The following WDR43 variants were observed in gnomAD, a reference collection of about 807,000 sequenced individuals.
WDR43 encodes the protein WD repeat domain 43, also known as WD repeat-containing protein 43.
WDR43 carries 13 observed loss-of-function variants against 91.4 expected under a neutral mutation model. That is an observed-to-expected ratio of 0.14 (90% confidence interval 0.09 to 0.23). The LOEUF is 0.23. WDR43 is among the 10% of genes least tolerant of loss of function. The pLI, the probability that WDR43 is intolerant of heterozygous loss-of-function variation, is 1.00. For missense variants in WDR43, 780 were observed against 809.4 expected, an observed-to-expected ratio of 0.96 and a Z score of 0.44; for synonymous variants, 331 against 287.9, an observed-to-expected ratio of 1.15 and a Z score of -1.51.
chr2:28,896,318 C>T (rs1423434690), intron 1 of WDR43, among the ~76,000 whole-genome samples: 1 of 152,104 alleles, frequency 6.6e-6, no homozygotes, highest in Non-Finnish European at 1.5e-5. Flanking sequence ...CCTCTGGTTC[C>T]TCATTTATGA....
intron 13 of WDR43, 57 bp downstream of exon 13, chr2:28,937,010 T>G (rs2148197517): frequency 6.6e-7 from 1 of 1,507,910 alleles, no homozygotes; most frequent in South Asian, 1.3e-5. Flanking sequence ...AAATTAAATA[T>G]TAGGTGGTTC....
chr2:28,926,336 TTTTTAA>T, intron 8 of WDR43, 126 bp from the exon 9 acceptor site: 1 of 672,960 alleles, frequency 1.5e-6, no homozygotes, highest in Non-Finnish European at 2.4e-6. Context: ...TCTTCCATAC[TTTTTAA>T]TATTTTATAA....
intron 3 of WDR43, among the ~76,000 whole-genome samples, chr2:28,908,915 G>A (rs569521697): frequency 6.6e-6 from 1 of 152,228 alleles, no homozygotes; most frequent in Non-Finnish European, 1.5e-5. Context: ...CTGAGCCTTA[G>A]ACTTTCCTAT....
intron 14 of WDR43, among the ~76,000 whole-genome samples, chr2:28,938,433 G>A (rs1206786027): frequency 1.3e-5 from 2 of 149,290 alleles, no homozygotes; most frequent in Non-Finnish European, 3.0e-5. Context: ...TGCTGGTGCT[G>A]CTGTCAGCTC....
intron 6 of WDR43, 55 bp from the exon 7 acceptor site, chr2:28,922,864 T>C (rs1457752269): frequency 2.0e-5 from 29 of 1,420,856 alleles, no homozygotes; most frequent in Non-Finnish European, 2.6e-5. Flanking sequence ...ATAAGGTAGA[T>C]TGGGGACTGG....
chr2:28,946,496 T>C lies in WDR43; in HGVS notation c.1851T>C (p.Ser617=), dbSNP rs1343471763. The C allele has an allele frequency of 2.5e-6, 4 of 1,611,574 alleles. No homozygotes were observed. The highest frequency in any genetic ancestry group is 1.1e-5 in the South Asian group (1 of 90,354). The stretch of plus-strand genomic sequence containing the variant: ...ATGATGAAATAGCAGATAAGGATTC[T>C]GAAGTGAGTGATTTGTTCCCTGTAT... The part of the protein sequence containing the change: ...ESDDEIADKD[S]EDNWDEDEEE... The change falls in exon 17 of 18, where the codon TCT becomes TCC. Residue 617 remains serine, a synonymous_variant. Coordinates refer to ENST00000407426, the MANE Select transcript of WDR43 (RefSeq NM_015131.3).
At position 28,942,309 on chromosome 2, in the gene WDR43, C is replaced by T; in HGVS notation, c.1735-3C>T. ...TTCAGAACAGTACTTTATCTTCTTCCAGGTAACAGCATCAGAGAAGACAAA... is the reference window on the plus strand; with the variant it reads ...TTCAGAACAGTACTTTATCTTCTTCTAGGTAACAGCATCAGAGAAGACAAA... On this transcript the variant is annotated splice_polypyrimidine_tract_variant and splice_region_variant and intron_variant, in intron 15 of 17. Coordinates refer to ENST00000407426, the MANE Select transcript of WDR43 (RefSeq NM_015131.3). 1 of 1,612,854 alleles carries T rather than the reference C, an allele frequency of 6.2e-7. No homozygotes were observed. Among genetic ancestry groups the T allele is most frequent in the Non-Finnish European group, 8.5e-7 (1 of 1,179,370 alleles).
chr2:28,911,578 G>C (rs1670800897), intron 3 of WDR43, among the ~76,000 whole-genome samples: 1 of 151,840 alleles, frequency 6.6e-6, no homozygotes, highest in South Asian at 2.1e-4. Context: ...ACAGGCATGA[G>C]CCACCGCGCC....
At chr2:28,920,278 T>C (rs190921722) in intron 6 of WDR43, among the ~76,000 whole-genome samples, 14 of 135,614 alleles carry the variant, frequency 1.0e-4, no homozygotes, top group African/African-American at 4.0e-4. Context: ...CAGGCTGGAG[T>C]GTAGTGGTGC....
intron 12 of WDR43, chr2:28,935,861 G>A (rs1671329116): frequency 3.7e-6 from 1 of 273,848 alleles, no homozygotes; most frequent in African/African-American, 2.2e-5. Flanking sequence ...TTACCTGGAG[G>A]CACTTGGAAC....
At chr2:28,941,143 G>A (rs1671426649) in intron 14 of WDR43, among the ~76,000 whole-genome samples, 1 of 152,172 alleles carries the variant, frequency 6.6e-6, no homozygotes, top group African/African-American at 2.4e-5. Flanking sequence ...TTAATTTCCT[G>A]TCTACTTTAT....
Position 28,942,369 on chromosome 2 carries a change from G to A in WDR43, c.1792G>A (p.Val598Met). Residue 598 changes from valine (V) to methionine (M), a missense_variant, in exon 16 of 18, where the codon GTG (valine) becomes ATG (methionine). Around this residue, in one of 4 missense-constraint regions of WDR43, gnomAD observed 426 missense variants for 467.8 expected, o/e 0.91. Transcript: ENST00000407426. ...ATSPGQKAKL[V>M]YEEESSEEES... is the part of the protein sequence containing the mutation. ...TTCCCCTGGACAGAAGGCAAAGTTG[G>A]TGTATGAAGAAGGTAAAGACTGGGG... 1 of 1,613,462 alleles carries A rather than the reference G, an allele frequency of 6.2e-7. No individual in the cohort carries two copies. The highest frequency in any genetic ancestry group is 8.5e-7 in the Non-Finnish European group (1 of 1,179,636).
chr2:28,918,646 G>A (rs1347468242), intron 6 of WDR43, among the ~76,000 whole-genome samples: 1 of 152,148 alleles, frequency 6.6e-6, no homozygotes, highest in Non-Finnish European at 1.5e-5. Flanking sequence ...TGGGATTACA[G>A]GTGTGAGCCA....
chr2:28,937,085 A>T, intron 13 of WDR43, 132 bp downstream of exon 13: 1 of 819,974 alleles, frequency 1.2e-6, no homozygotes, highest in South Asian at 1.9e-5. Flanking sequence ...CCCTTATTTT[A>T]AGTTGAATGA....
chr2:28,899,529 G>C (rs575622179), intron 1 of WDR43, among the ~76,000 whole-genome samples: 29 of 152,308 alleles, frequency 1.9e-4, no homozygotes, highest in African/African-American at 7.0e-4. Flanking sequence ...GACTAGAGAA[G>C]GTGGGTTGAA....
chr2:28,938,342 A>G (rs971323407), intron 14 of WDR43, among the ~76,000 whole-genome samples: 1 of 152,198 alleles, frequency 6.6e-6, no homozygotes, highest in Non-Finnish European at 1.5e-5. Context: ...ATACATGCTA[A>G]TGTGTCTGTC....
chr2:28,916,797 T>C (rs1670919436), intron 5 of WDR43, among the ~76,000 whole-genome samples: 1 of 152,226 alleles, frequency 6.6e-6, no homozygotes, highest in South Asian at 2.1e-4. Context: ...TTCATCTATT[T>C]ATTTTTTTGT....
At chr2:28,926,621 T>C in intron 9 of WDR43, 67 bp downstream of exon 9, 2 of 1,344,716 alleles carry the variant, frequency 1.5e-6, no homozygotes, top group East Asian at 2.5e-5. Context: ...GAACTGTTAC[T>C]TAGTATTATG....
chr2:28,929,218 G>A (rs1250306784), intron 10 of WDR43, among the ~76,000 whole-genome samples: 1 of 152,306 alleles, frequency 6.6e-6, no homozygotes, highest in African/African-American at 2.4e-5. Context: ...CCAAGGGATA[G>A]TTATAGTGGG....
Sources: allele counts gnomAD v4.1 joint callset (sites outside exome capture counted in the v4.1 genomes callset), GRCh38; gene constraint gnomAD v4.1.1; regional missense constraint gnomAD v4.1.1; transcripts MANE v1.5; gene names NCBI Gene and HGNC (gene_info 2026-07-23, HGNC 2026-07-21).